The following KIAA1671 variants were observed in gnomAD, a reference collection of about 807,000 sequenced individuals.
The protein encoded by KIAA1671 is KIAA1671.
A neutral mutation model predicts 131.2 loss-of-function variants in KIAA1671; 52 were observed. The observed-to-expected ratio is 0.40, with a 90% CI of 0.32 to 0.50. The LOEUF (loss-of-function observed/expected upper bound fraction) is 0.50. Ranked by LOEUF, KIAA1671 falls within the 20% of genes least tolerant of loss-of-function variation. The pLI is 0.73. For synonymous variants in KIAA1671, 1,003 were observed against 961.6 expected (o/e 1.04, Z -0.80); for missense variants, 2,360 against 2,364.2 (o/e 1.00, Z 0.04).
intron 1 of KIAA1671, among the ~76,000 whole-genome samples, chr22:24,960,600 A>G (rs1333979701): frequency 1.4e-5 from 2 of 146,742 alleles, no homozygotes; most frequent in African/African-American, 5.0e-5. Flanking sequence ...ATGAGGTGCT[A>G]TGAGCTTATT....
At chr22:25,098,171 T>C (rs1283650493) in intron 6 of KIAA1671, among the ~76,000 whole-genome samples, 1 of 152,138 alleles carries the variant, frequency 6.6e-6, no homozygotes, top group African/African-American at 2.4e-5. Context: ...GAAGGCACTT[T>C]ACTTGGAGGA....
At chr22:25,083,310 A>T (rs930315831) in intron 6 of KIAA1671, among the ~76,000 whole-genome samples, 4 of 152,164 alleles carry the variant, frequency 2.6e-5, no homozygotes, top group Non-Finnish European at 5.9e-5. Context: ...TAACAGTCAG[A>T]TTGGATTAGA....
chr22:25,113,241 C>G (rs1931468370), intron 6 of KIAA1671, among the ~76,000 whole-genome samples: 1 of 152,166 alleles, frequency 6.6e-6, no homozygotes, highest in Non-Finnish European at 1.5e-5. Context: ...GAACCCCAGG[C>G]TCTGACCTCC....
intron 6 of KIAA1671, among the ~76,000 whole-genome samples, chr22:25,154,716 G>A (rs955180591): frequency 7.2e-5 from 11 of 152,202 alleles, no homozygotes; most frequent in Admixed American, 1.3e-4. Flanking sequence ...CTCCTTGCTG[G>A]TTGACAGCCT....
chr22:25,075,990 C>T (rs994129888), intron 6 of KIAA1671, among the ~76,000 whole-genome samples: 2 of 151,476 alleles, frequency 1.3e-5, no homozygotes, highest in Non-Finnish European at 2.9e-5. Context: ...TAGCCAGGCT[C>T]GTCTCGAACT....
chr22:25,188,966 A>C (rs116398596), intron 11 of KIAA1671, among the ~76,000 whole-genome samples: 1,910 of 152,194 alleles, frequency 0.013, 39 homozygotes, highest in African/African-American at 0.044. Context: ...ACATGTAGAC[A>C]CACGTATGTA....
At chr22:25,004,549 C>T (rs1924639902) in intron 1 of KIAA1671, among the ~76,000 whole-genome samples, 2 of 152,150 alleles carry the variant, frequency 1.3e-5, no homozygotes, top group Admixed American at 1.3e-4. Context: ...CATCCTTGTC[C>T]CTCCATCTGC....
chr22:25,152,951 A>C (rs1322665323), intron 6 of KIAA1671, among the ~76,000 whole-genome samples: 1 of 152,004 alleles, frequency 6.6e-6, no homozygotes, highest in Non-Finnish European at 1.5e-5. Flanking sequence ...GCCACATGGT[A>C]AGGCTCTTCC....
intron 1 of KIAA1671, among the ~76,000 whole-genome samples, chr22:24,960,216 T>C (rs1428909578): frequency 6.6e-6 from 1 of 151,894 alleles, no homozygotes; most frequent in East Asian, 1.9e-4. Flanking sequence ...ATTTAGGTAC[T>C]TTCCCATTTC....
intron 1 of KIAA1671, among the ~76,000 whole-genome samples, chr22:24,986,795 CATT>C (rs1923572448): frequency 6.6e-6 from 1 of 151,774 alleles, no homozygotes; most frequent in African/African-American, 2.4e-5. Context: ...AATTATCCAC[CATT>C]TGTTATCTGA....
chr22:25,134,558 T>G (rs1046898902), intron 6 of KIAA1671, among the ~76,000 whole-genome samples: 2 of 152,252 alleles, frequency 1.3e-5, no homozygotes, highest in African/African-American at 4.8e-5. Context: ...TGTCTCTGAC[T>G]TACACAGACC....
At chr22:24,984,084 T>C (rs1243246646) in intron 1 of KIAA1671, among the ~76,000 whole-genome samples, 1 of 152,114 alleles carries the variant, frequency 6.6e-6, no homozygotes, top group Non-Finnish European at 1.5e-5. Context: ...GGCCGGTGTT[T>C]GGATTTAACT....
At chr22:24,959,182 C>T (rs1921883884) in intron 1 of KIAA1671, among the ~76,000 whole-genome samples, 1 of 150,972 alleles carries the variant, frequency 6.6e-6, no homozygotes, top group South Asian at 2.1e-4. Context: ...TACATAAATA[C>T]ATAAAAATTT....
intron 6 of KIAA1671, among the ~76,000 whole-genome samples, chr22:25,076,916 A>G (rs948884265): frequency 4.6e-5 from 7 of 152,200 alleles, no homozygotes; most frequent in African/African-American, 1.7e-4. Context: ...GCATTTTGCA[A>G]TTAGGGAAAC....
intron 6 of KIAA1671, among the ~76,000 whole-genome samples, chr22:25,140,290 G>A (rs944261659): frequency 3.9e-5 from 6 of 152,240 alleles, no homozygotes; most frequent in African/African-American, 1.4e-4. Context: ...TTGCCACATG[G>A]GCTTTCTCAT....
intron 6 of KIAA1671, among the ~76,000 whole-genome samples, chr22:25,091,720 C>G (rs1175685311): frequency 6.6e-6 from 1 of 152,162 alleles, no homozygotes; most frequent in Middle Eastern, 3.2e-3. Flanking sequence ...ATTGCTGTAT[C>G]TCCGTTACAG....
rs549476901 is a variant in KIAA1671, at chr22:25,160,428, G to A, written c.4531-10392G>A. ...CCTGTGTCTCTCTGCGCCCGTCTCC[G>A]TGCTTCTCAGTCTTGGGCTTGCTCT... is the stretch of plus-strand genomic sequence containing the variant. On this transcript the variant is annotated intron_variant, in intron 6 of 12. Coordinates refer to ENST00000358431, the MANE Select transcript of KIAA1671 (RefSeq NM_001145206.2). 3.6e-4 allele frequency among the ~76,000 whole-genome samples: 55 copies of A among 152,182 alleles called. 1 individual carries two copies. The highest frequency in any genetic ancestry group is 2.3e-3 in the South Asian group (11 of 4,826).
Position 25,163,543 on chromosome 22 carries a change from G to A in KIAA1671, c.4531-7277G>A, listed in dbSNP as rs564011222. Among the ~76,000 whole-genome samples the A allele has an allele frequency of 3.4e-5, 5 of 148,602 alleles. No homozygotes were observed. The South Asian group carries it at 1.1e-3, about 32-fold the overall frequency. Reference sequence around the variant, plus strand: ...TGCAACCTCCGCTACCCGGGTTCAAGTGATTCTCTTACCTCAGCCTCCAAA... The same window carrying A: ...TGCAACCTCCGCTACCCGGGTTCAAATGATTCTCTTACCTCAGCCTCCAAA... On this transcript the variant is annotated intron_variant, in intron 6 of 12. Transcript: ENST00000358431.
chr22:25,005,118 C>T (rs1464163050), intron 1 of KIAA1671, among the ~76,000 whole-genome samples: 2 of 151,360 alleles, frequency 1.3e-5, no homozygotes, highest in East Asian at 2.0e-4. Flanking sequence ...GGGAGGCTGA[C>T]GTGAGCGGGT....
Sources: allele counts gnomAD v4.1 joint callset (sites outside exome capture counted in the v4.1 genomes callset), GRCh38; gene constraint gnomAD v4.1.1; transcripts MANE v1.5; gene names NCBI Gene and HGNC (gene_info 2026-07-23, HGNC 2026-07-21).